The following NPNT variants were observed in gnomAD, a reference collection of about 807,000 sequenced individuals.
The protein encoded by NPNT is nephronectin, also known as preosteoblast EGF-like repeat protein with MAM domain.
A neutral mutation model predicts 68.6 loss-of-function variants in NPNT; 45 were observed. The observed-to-expected ratio is 0.66, with a 90% CI of 0.52 to 0.84. NPNT has a LOEUF of 0.84. NPNT is among the 40% of genes least tolerant of loss of function. The probability of loss-of-function intolerance (pLI) is 0.00; values close to 1 mark genes in which losing one functional copy is unlikely to be tolerated. For missense variants in NPNT, 672 were observed against 714.8 expected (o/e 0.94, Z 0.68); for synonymous variants, 233 against 253.3 (o/e 0.92, Z 0.76).
At chr4:105,958,185 C>G (rs542812122) in intron 8 of NPNT, among the ~76,000 whole-genome samples, 1 of 152,204 alleles carries the variant, frequency 6.6e-6, no homozygotes, top group South Asian at 2.1e-4. Flanking sequence ...ATTGGTTGCT[C>G]TATTAAAATG....
chr4:105,910,989 A>G (rs1727317768), intron 2 of NPNT, among the ~76,000 whole-genome samples: 1 of 152,148 alleles, frequency 6.6e-6, no homozygotes, highest in Admixed American at 6.5e-5. Flanking sequence ...AAAATTGGCA[A>G]TTAAAGAATA....
At chr4:105,949,841 C>T (rs1314139409) in intron 8 of NPNT, among the ~76,000 whole-genome samples, 2 of 152,128 alleles carry the variant, frequency 1.3e-5, no homozygotes, top group African/African-American at 4.8e-5. Flanking sequence ...TACATGTCTG[C>T]ATATGTCTGG....
intron 2 of NPNT, among the ~76,000 whole-genome samples, chr4:105,900,834 G>GTTTTT (rs765343668): frequency 2.0e-4 from 19 of 96,528 alleles, no homozygotes; most frequent in Middle Eastern, 6.0e-3. Context: ...ACCCTTGGTT[G>GTTTTT]TTTTTTTTTT....
chr4:105,966,332 T>A (rs971606630), intron 10 of NPNT, among the ~76,000 whole-genome samples: 1 of 150,244 alleles, frequency 6.7e-6, no homozygotes, highest in Non-Finnish European at 1.5e-5. Flanking sequence ...TGCTTAACCA[T>A]TTTTTTTCTA....
intron 8 of NPNT, among the ~76,000 whole-genome samples, chr4:105,949,005 A>C (rs1181576456): frequency 2.0e-5 from 3 of 152,196 alleles, no homozygotes; most frequent in Non-Finnish European, 4.4e-5. Flanking sequence ...TTTGAGCAAC[A>C]CTAAAGTTAT....
Position 105,942,252 on chromosome 4 carries a change from T to C in NPNT, c.764-55T>C, listed in dbSNP as rs540035986. 1.5e-5 allele frequency: 21 copies of C among 1,404,494 alleles called. No individual in the cohort carries two copies. In the Admixed American group the frequency reaches 3.2e-4, roughly 21 times the overall value. 87.0% of individuals were successfully genotyped at this position (1,404,494 alleles called of 1,614,324 possible). A position where few individuals can be genotyped will look rare whatever the true frequency, so the allele number is the denominator to read the frequency against. ...GTTTTTATGTCTGTCAGTGTAATGC[T>C]TCACTTTTTAGGGAGGAATGGTTAC... On this transcript the variant is annotated intron_variant, in intron 7 of 11. Coordinates refer to ENST00000379987, the MANE Select transcript of NPNT (RefSeq NM_001033047.3).
chr4:105,932,782 T>C, intron 3 of NPNT: 1 of 1,002,506 alleles, frequency 1.0e-6, no homozygotes, highest in Non-Finnish European at 1.5e-6. Context: ...TTGCAAATGT[T>C]CTGAAGACTA....
Position 105,959,081 on chromosome 4 carries a change from G to C in NPNT, c.1300G>C (p.Glu434Gln), listed in dbSNP as rs58193089. 2 of 1,613,696 alleles carry C rather than the reference G, an allele frequency of 1.2e-6. No homozygotes were observed. The highest frequency in any genetic ancestry group is 1.7e-5 in the Admixed American group (1 of 60,024). Residue 434 changes from glutamate to glutamine, a missense_variant, in exon 10 of 12, where the codon GAG (glutamate) becomes CAG (glutamine). Physicochemically the swap from Glu to Gln is conservative, Grantham distance 29. Transcript: ENST00000379987. ...FDHGLCGWIREKDNDLHWEPI... is the reference protein window; with the variant it reads ...FDHGLCGWIRQKDNDLHWEPI... ...CCATGGACTTTGTGGATGGATCAGG[G>C]AGAAAGACAATGACTTGCACTGGGA...
chr4:105,968,643 T>A (rs1360234340), intron 11 of NPNT, among the ~76,000 whole-genome samples: 1 of 152,226 alleles, frequency 6.6e-6, no homozygotes, highest in East Asian at 1.9e-4. Flanking sequence ...TAAATCGAAT[T>A]GGTCTATAGC....
intron 2 of NPNT, among the ~76,000 whole-genome samples, chr4:105,926,083 G>A (rs951881425): frequency 1.3e-5 from 2 of 152,124 alleles, no homozygotes; most frequent in African/African-American, 4.8e-5. Flanking sequence ...TTACTTGCCT[G>A]TGAAATATTC....
At chr4:105,943,374 ATAGGCAG>A (rs1350186772) in intron 8 of NPNT, among the ~76,000 whole-genome samples, 1 of 152,230 alleles carries the variant, frequency 6.6e-6, no homozygotes, top group African/African-American at 2.4e-5. Context: ...AAGCAGTGTA[ATAGGCAG>A]TAGACTGCCA....
intron 1 of NPNT, 134 bp downstream of exon 1, chr4:105,895,857 G>A (rs1725783323): frequency 5.2e-6 from 4 of 776,284 alleles, no homozygotes; most frequent in Non-Finnish European, 8.3e-6. Context: ...CCACCGCACA[G>A]CGTGGCGCGA....
Position 105,905,164 on chromosome 4 carries a change from AAAAGATTTTCAGGAAATATT to A in NPNT, c.172+7166_172+7185del, listed in dbSNP as rs545704259. On this transcript the variant is annotated intron_variant, in intron 2 of 11. Transcript: ENST00000379987. ...CATTTTGGGGACACCGTTTATGATA[AAAAGATTTTCAGGAAATATT>A]AAGACATTTTTGTACCAAAATACTT... is the stretch of plus-strand genomic sequence containing the variant. Among the ~76,000 whole-genome samples the A allele has an allele frequency of 1.4e-3, 208 of 152,280 alleles. 1 individual carries two copies. Among genetic ancestry groups the A allele is most frequent in the African/African-American group, 4.7e-3 (196 of 41,560 alleles).
In NPNT at chr4:105,969,182, G is replaced by C; in HGVS notation, c.*192G>C. ...CCCAATGAACAGTGATACCCTCCTT[G>C]AAATACAGGGGCATCGCAGACACAT... On this transcript the variant is annotated 3_prime_UTR_variant, in exon 12 of 12. Coordinates refer to ENST00000379987, the MANE Select transcript of NPNT (RefSeq NM_001033047.3). 2 of 483,390 alleles carry C rather than the reference G, an allele frequency of 4.1e-6. No individual in the cohort carries two copies. The highest frequency in any genetic ancestry group is 3.7e-6 in the Non-Finnish European group (1 of 269,552). The allele number at this position is 483,390 out of a possible 1,614,324, so 29.9% of individuals were successfully genotyped here. A position where few individuals can be genotyped will look rare whatever the true frequency, so the allele number is the denominator to read the frequency against.
intron 1 of NPNT, among the ~76,000 whole-genome samples, chr4:105,897,414 C>T (rs1007941550): frequency 6.6e-6 from 1 of 152,098 alleles, no homozygotes; most frequent in Non-Finnish European, 1.5e-5. Context: ...TTTTGAGAAA[C>T]CTTTCTGCTC....
At position 105,897,886 on chromosome 4, in the gene NPNT, C is replaced by A; in HGVS notation, c.72-15C>A. The A allele has an allele frequency of 6.5e-7, 1 of 1,543,814 alleles. No homozygotes were observed. Among genetic ancestry groups the A allele is most frequent in the Non-Finnish European group, 8.9e-7 (1 of 1,119,988 alleles). ...AAAAGTGTCCTTATTTATTTTGAAT[C>A]TTTTTTTTTGGTAGGTGGCCCAGGC... On this transcript the variant is annotated splice_polypyrimidine_tract_variant and intron_variant, in intron 1 of 11. Transcript: ENST00000379987.
intron 2 of NPNT, among the ~76,000 whole-genome samples, chr4:105,921,080 G>A (rs750809121): frequency 2.0e-5 from 3 of 152,068 alleles, no homozygotes; most frequent in Non-Finnish European, 4.4e-5. Flanking sequence ...GTTTTCTTAA[G>A]TTATAGATTG....
At position 105,959,094 on chromosome 4, in the gene NPNT, A is replaced by G. The variant is rs139300050; in HGVS notation, c.1313A>G (p.Asp438Gly). 1.9e-4 allele frequency: 313 copies of G among 1,613,388 alleles called. No homozygotes were observed. The African/African-American group carries it at 3.6e-3, about 18-fold the overall frequency. The part of the protein sequence containing the change: ...LCGWIREKDN[D>G]LHWEPIRDPA... ...GGATGGATCAGGGAGAAAGACAATG[A>G]CTTGCACTGGGAACCAATCAGGGAC... The change falls in exon 10 of 12, where the codon GAC becomes GGC. Residue 438 changes from aspartate to glycine, a missense_variant. Physicochemically the swap from Asp to Gly is moderately conservative, Grantham distance 94. Transcript: ENST00000379987.
intron 8 of NPNT, among the ~76,000 whole-genome samples, chr4:105,956,796 T>C (rs1041672818): frequency 4.6e-5 from 7 of 152,178 alleles, no homozygotes; most frequent in African/African-American, 1.7e-4. Context: ...ATCCCCTGGG[T>C]ATCCACAGTC....
Sources: allele counts gnomAD v4.1 joint callset (sites outside exome capture counted in the v4.1 genomes callset), GRCh38; gene constraint gnomAD v4.1.1; transcripts MANE v1.5; gene names NCBI Gene and HGNC (gene_info 2026-07-23, HGNC 2026-07-21).